Variants in NRIP2 observed in about 807,000 individuals in gnomAD.
The protein encoded by NRIP2 is nuclear receptor-interacting protein 2.
Under a neutral mutation model 34.1 loss-of-function variants are expected in NRIP2, and 27 were observed. That is an observed-to-expected ratio of 0.79 (90% confidence interval 0.58 to 1.09). The LOEUF (loss-of-function observed/expected upper bound fraction) is 1.09, where lower values mean the gene tolerates loss of function less well. Ranked by LOEUF, NRIP2 falls within the 50% of genes least tolerant of loss-of-function variation. The pLI is 0.00. For synonymous variants in NRIP2, 145 were observed against 146.9 expected, an observed-to-expected ratio of 0.99 and a Z score of 0.09; for missense variants, 385 against 352.6, an observed-to-expected ratio of 1.09 and a Z score of -0.74.
In NRIP2 at chr12:2,826,211, A is replaced by G. The variant is rs2097966138; in HGVS notation, c.*996T>C. The G allele has an allele frequency of 1.3e-5, 2 of 152,144 alleles. No individual in the cohort carries two copies. Among genetic ancestry groups the G allele is most frequent in the South Asian group, 4.1e-4 (2 of 4,832 alleles). The allele number at this position is 152,144 out of a possible 1,614,324, so 9.4% of individuals were successfully genotyped here. Reference sequence around the variant, plus strand: ...CTGACAGACCCCAAACTTTAAAAAAAAAAAAAAAGCCTCTGTCTTTTTGCT... The same window carrying G: ...CTGACAGACCCCAAACTTTAAAAAAGAAAAAAAAGCCTCTGTCTTTTTGCT... On this transcript the variant is annotated 3_prime_UTR_variant, in exon 6 of 6. Coordinates refer to ENST00000337508, the MANE Select transcript of NRIP2 (RefSeq NM_031474.3).
rs2098020473 is a variant in NRIP2 at position 2,834,850 on chromosome 12, G to A, written c.134C>T (p.Thr45Ile). 1 of 1,613,648 alleles carries A rather than the reference G, an allele frequency of 6.2e-7. No homozygotes were observed. Among genetic ancestry groups the A allele is most frequent in the African/African-American group, 1.3e-5 (1 of 74,814 alleles). ...GGTGCTCATGGCCCCTGCTGGAGGA[G>A]TGGGCCAGGGGCTGCTCGGTGGGGG... ...VTPPPSSPWP[T>I]PPAGAMSTKQ... The change falls in exon 1 of 6, where the codon ACT becomes ATT. Residue 45 changes from threonine (T) to isoleucine (I), a missense_variant. Transcript: ENST00000337508.
intron 1 of NRIP2, among the ~76,000 whole-genome samples, chr12:2,832,916 G>A (rs929471719): frequency 1.3e-5 from 2 of 151,754 alleles, no homozygotes; most frequent in Non-Finnish European, 2.9e-5. Flanking sequence ...TAGACCCAGT[G>A]CTGGGAAAAG....
intron 2 of NRIP2, 52 bp downstream of exon 2, chr12:2,830,656 G>A (rs1441509508): frequency 6.5e-7 from 1 of 1,549,850 alleles, no homozygotes. Flanking sequence ...AGCAGGTGAA[G>A]TGAGTGCAGG....
In NRIP2 at chr12:2,834,887, CCT is replaced by C. The variant is rs954472834; in HGVS notation, c.95_96del (p.Glu32GlyfsTer29). 6.2e-7 allele frequency: 1 copy of C among 1,613,730 alleles called. No individual in the cohort carries two copies. Among genetic ancestry groups the C allele is most frequent in the East Asian group, 2.2e-5 (1 of 44,828 alleles). On this transcript the variant is annotated frameshift_variant, in exon 1 of 6. Transcript: ENST00000337508. LOFTEE classifies it high-confidence loss of function. ...CTGCTCGGTGGGGGCGTCACCGAGT[CCT>C]CTCTGCTTCTTCCTGCCTGTCTCTG... ...TGQRQAGRSR[E>X]DSVTPPPSSP...
intron 2 of NRIP2, among the ~76,000 whole-genome samples, chr12:2,829,369 C>A (rs772363552): frequency 6.6e-6 from 1 of 152,210 alleles, no homozygotes; most frequent in African/African-American, 2.4e-5. Flanking sequence ...TGAGTATTTA[C>A]TATAAGATAT....
At chr12:2,832,824 T>C (rs1237917554) in intron 1 of NRIP2, among the ~76,000 whole-genome samples, 2 of 150,372 alleles carry the variant, frequency 1.3e-5, no homozygotes, top group Non-Finnish European at 2.9e-5. Flanking sequence ...CTGCCCTCTC[T>C]CCTTGGGATC....
At position 2,834,644 on chromosome 12, in the gene NRIP2, A is replaced by C. The variant is rs750589261; in HGVS notation, c.340T>G (p.Leu114Val). 6.3e-7 allele frequency: 1 copy of C among 1,586,692 alleles called. No individual in the cohort carries two copies. The highest frequency in any genetic ancestry group is 1.4e-5 in the African/African-American group (1 of 74,030). ...SLKRLGTSKD[L>V]QPRSVIQRRL... The stretch of plus-strand genomic sequence containing the variant: ...GCAGGGGAGGGGTGATGCCTCACCA[A>C]GTCCTTGGAGGTGCCGAGCCTCTTG... Residue 114 changes from leucine to valine, a missense_variant and splice_region_variant, in exon 1 of 6, where the codon TTG becomes GTG. Coordinates refer to ENST00000337508, the MANE Select transcript of NRIP2 (RefSeq NM_031474.3).
intron 1 of NRIP2, among the ~76,000 whole-genome samples, chr12:2,834,026 C>G (rs2098016033): frequency 6.6e-6 from 1 of 152,206 alleles, no homozygotes; most frequent in Non-Finnish European, 1.5e-5. Flanking sequence ...ACTGTTACTC[C>G]CCTGCCCCAT....
intron 1 of NRIP2, among the ~76,000 whole-genome samples, chr12:2,834,251 C>G (rs941306307): frequency 6.6e-6 from 1 of 152,148 alleles, no homozygotes; most frequent in African/African-American, 2.4e-5. Context: ...GTCTGGGGAA[C>G]CTGTGGTTCG....
At chr12:2,832,323 G>C (rs887764010) in intron 1 of NRIP2, among the ~76,000 whole-genome samples, 1 of 151,762 alleles carries the variant, frequency 6.6e-6, no homozygotes, top group African/African-American at 2.4e-5. Flanking sequence ...CCACATGACC[G>C]GGCCGTGCCT....
In NRIP2 at chr12:2,830,772, T is replaced by A. The variant is rs745641370; in HGVS notation, c.431A>T (p.His144Leu). The A allele has an allele frequency of 6.2e-7, 1 of 1,613,964 alleles. No individual in the cohort carries two copies. The highest frequency in any genetic ancestry group is 1.7e-5 in the Admixed American group (1 of 59,996). Residue 144 changes from histidine to leucine, a missense_variant, in exon 2 of 6, where the codon CAT becomes CTT. By Grantham distance (99) the His-to-Leu change is moderately conservative. Coordinates refer to ENST00000337508, the MANE Select transcript of NRIP2 (RefSeq NM_031474.3). ...GGTCTTCCTCCTGCTCTCCTGGCCATGAATCAGGTCCTGCATCCGGGGAGG... is the reference window on the plus strand; with the variant it reads ...GGTCTTCCTCCTGCTCTCCTGGCCAAGAATCAGGTCCTGCATCCGGGGAGG... ...GEPPRMQDLI[H>L]GQESRRKTSR...
In NRIP2 at chr12:2,827,242, G is replaced by A. The variant is rs200436361; in HGVS notation, c.811C>T (p.Pro271Ser). The A allele has an allele frequency of 6.2e-6, 10 of 1,614,144 alleles. No individual in the cohort carries two copies. In the East Asian group the frequency reaches 1.1e-4, roughly 18 times the overall value. ...LRLKAPFSEL[P>S]FLPLYQEPGQ ...GGCTCTTGGTACAAAGGCAGGAAGGGTAGCTCTGAGAACGGGGCTTTCAGC... is the reference window on the plus strand; with the variant it reads ...GGCTCTTGGTACAAAGGCAGGAAGGATAGCTCTGAGAACGGGGCTTTCAGC... The change falls in exon 6 of 6, where the codon CCC (proline) becomes TCC (serine). Residue 271 changes from proline to serine, a missense_variant. Pro to Ser is a moderately conservative substitution (Grantham distance 74). Coordinates refer to ENST00000337508, the MANE Select transcript of NRIP2 (RefSeq NM_031474.3). This position sits in a 1 kb window ranked among gnomAD's most constrained non-coding sequence, Gnocchi z 4.0.
intron 3 of NRIP2, 91 bp downstream of exon 3, chr12:2,828,241 G>A (rs2097979812): frequency 1.6e-6 from 2 of 1,234,654 alleles, no homozygotes; most frequent in Non-Finnish European, 2.4e-6. Flanking sequence ...GATAAAATAT[G>A]CAACTGTCGT....
chr12:2,832,658 T>C (rs1476250097), intron 1 of NRIP2, among the ~76,000 whole-genome samples: 2 of 151,174 alleles, frequency 1.3e-5, no homozygotes, highest in African/African-American at 4.9e-5. Flanking sequence ...TTCTCACAAA[T>C]GTTATGTATG....
chr12:2,830,421 A>G (rs1424504128), intron 2 of NRIP2: 1 of 303,138 alleles, frequency 3.3e-6, no homozygotes, highest in African/African-American at 2.2e-5. Flanking sequence ...CACACACACC[A>G]TTTGTCTGTG....
At chr12:2,831,507 C>T (rs1279059149) in intron 1 of NRIP2, among the ~76,000 whole-genome samples, 1 of 151,914 alleles carries the variant, frequency 6.6e-6, no homozygotes, top group Non-Finnish European at 1.5e-5. Context: ...TCACCTGAAC[C>T]TAGAAGGCAG....
intron 1 of NRIP2, among the ~76,000 whole-genome samples, chr12:2,831,994 C>A (rs571742191): frequency 6.6e-6 from 1 of 152,090 alleles, no homozygotes; most frequent in East Asian, 1.9e-4. Context: ...GTCTCCAGAC[C>A]TGTTACCTTT....
Position 2,830,379 on chromosome 12 carries a change from CAT to C in NRIP2, c.495+327_495+328del, listed in dbSNP as rs565449412. ...ATTACAGGGCCAATGCCTTAGAACACATGAGTTTTTTCCAGAATTACGTTATC... is the reference window on the plus strand; with the variant it reads ...ATTACAGGGCCAATGCCTTAGAACACGAGTTTTTTCCAGAATTACGTTATC... On this transcript the variant is annotated intron_variant, in intron 2 of 5. Transcript: ENST00000337508. 9 of 209,494 alleles carry C rather than the reference CAT, an allele frequency of 4.3e-5. No individual in the cohort carries two copies. The South Asian group carries it at 1.0e-3, about 24-fold the overall frequency. 13.0% of individuals were successfully genotyped at this position (209,494 alleles called of 1,614,324 possible). A position where few individuals can be genotyped will look rare whatever the true frequency, so the allele number is the denominator to read the frequency against.
chr12:2,826,843 G>T lies in NRIP2; in HGVS notation c.*364C>A. On this transcript the variant is annotated 3_prime_UTR_variant, in exon 6 of 6. Transcript: ENST00000337508. Reference sequence around the variant, plus strand: ...GGGAAGTTGAGTTGTGTTTGGGGTGGTATTGGGTGATGGACAAGGACAGCA... The same window carrying T: ...GGGAAGTTGAGTTGTGTTTGGGGTGTTATTGGGTGATGGACAAGGACAGCA... 2.8e-6 allele frequency: 1 copy of T among 358,310 alleles called. No homozygotes were observed. The highest frequency in any genetic ancestry group is 4.6e-6 in the Non-Finnish European group (1 of 217,184). The allele number at this position is 358,310 out of a possible 1,614,324, so 22.2% of individuals were successfully genotyped here.
Sources: gnomAD v4.1 joint callset for allele counts (sites outside exome capture counted in the v4.1 genomes callset) on GRCh38, gnomAD v4.1.1 for gene constraint, Gnocchi (gnomAD v3.1) non-coding constraint, MANE v1.5 for transcripts, NCBI Gene and HGNC (gene_info 2026-07-23, HGNC 2026-07-21) for gene names.